Variants in KCNB2 observed in about 807,000 individuals in gnomAD.
KCNB2 encodes delayed rectifier potassium channel protein.
KCNB2 carries 15 observed loss-of-function variants against 61.5 expected under a neutral mutation model. The ratio of observed to expected loss-of-function variants is 0.24; its 90% CI spans 0.16 to 0.38. The LOEUF (loss-of-function observed/expected upper bound fraction) is 0.38, where lower values mean the gene tolerates loss of function less well. Among genes scored for constraint, KCNB2 ranks in the 10% least tolerant of loss-of-function variants. The pLI is 1.00. For missense variants in KCNB2, 828 were observed against 1,125.2 expected (o/e 0.74, Z 3.78); for synonymous variants, 457 against 446.0 (o/e 1.02, Z -0.31).
chr8:72,842,584 G>A (rs912760458), intron 2 of KCNB2, among the ~76,000 whole-genome samples: 6 of 152,212 alleles, frequency 3.9e-5, no homozygotes, highest in African/African-American at 1.4e-4. Context: ...TTGGTTGGTA[G>A]GCTATTAATT....
intron 2 of KCNB2, among the ~76,000 whole-genome samples, chr8:72,904,768 T>C (rs1806146065): frequency 6.6e-6 from 1 of 152,116 alleles, no homozygotes; most frequent in South Asian, 2.1e-4. Context: ...AAACATCTAC[T>C]TGAAAATTTA....
At chr8:72,677,662 C>G (rs1038621468) in intron 2 of KCNB2, among the ~76,000 whole-genome samples, 3 of 152,192 alleles carry the variant, frequency 2.0e-5, no homozygotes, top group Non-Finnish European at 4.4e-5. Flanking sequence ...ATTTGTTTGG[C>G]TACCAGGATG....
intron 2 of KCNB2, among the ~76,000 whole-genome samples, chr8:72,573,631 C>T (rs1300392372): frequency 6.6e-6 from 1 of 151,694 alleles, no homozygotes. Context: ...GCAGTGCTAT[C>T]CTCTACATTG....
intron 2 of KCNB2, among the ~76,000 whole-genome samples, chr8:72,608,715 A>G (rs1458794105): frequency 6.6e-6 from 1 of 152,202 alleles, no homozygotes; most frequent in African/African-American, 2.4e-5. Flanking sequence ...TCTCTCCAAG[A>G]TGAGAGATAA....
intron 2 of KCNB2, among the ~76,000 whole-genome samples, chr8:72,852,346 A>G (rs1810130137): frequency 6.6e-6 from 1 of 152,178 alleles, no homozygotes. Context: ...TCTTTTCACT[A>G]TTGTACCATG....
At chr8:72,739,629 G>A (rs1329355517) in intron 2 of KCNB2, among the ~76,000 whole-genome samples, 1 of 151,990 alleles carries the variant, frequency 6.6e-6, no homozygotes, top group East Asian at 1.9e-4. Context: ...ATATGGTTTG[G>A]TATGGCTGGG....
chr8:72,710,982 A>G (rs1052709838), intron 2 of KCNB2, among the ~76,000 whole-genome samples: 1 of 152,208 alleles, frequency 6.6e-6, no homozygotes, highest in African/African-American at 2.4e-5. Flanking sequence ...GTGACAAACA[A>G]TACCAAAATC....
At chr8:72,663,019 A>G (rs1193799898) in intron 2 of KCNB2, among the ~76,000 whole-genome samples, 2 of 152,118 alleles carry the variant, frequency 1.3e-5, no homozygotes, top group Non-Finnish European at 2.9e-5. Flanking sequence ...CCTCCCTACC[A>G]TGGAGGCTGT....
chr8:72,669,524 T>A (rs985345841), intron 2 of KCNB2, among the ~76,000 whole-genome samples: 12 of 152,232 alleles, frequency 7.9e-5, no homozygotes, highest in Non-Finnish European at 1.8e-4. Flanking sequence ...AATGTCACTG[T>A]AATAAACAGA....
intron 1 of KCNB2, among the ~76,000 whole-genome samples, chr8:72,561,723 A>ATGTG (rs1554576118): frequency 1.3e-4 from 4 of 31,774 alleles, no homozygotes; most frequent in East Asian, 6.2e-4. Context: ...ATATATATAT[A>ATGTG]TATATCTATA....
chr8:72,718,381 A>G (rs1196262775), intron 2 of KCNB2, among the ~76,000 whole-genome samples: 2 of 152,228 alleles, frequency 1.3e-5, no homozygotes, highest in Non-Finnish European at 1.5e-5. Flanking sequence ...TTATTGCAGC[A>G]TTATTCACAA....
At chr8:72,620,483 G>A (rs1213443467) in intron 2 of KCNB2, among the ~76,000 whole-genome samples, 1 of 152,334 alleles carries the variant, frequency 6.6e-6, no homozygotes, top group South Asian at 2.1e-4. Flanking sequence ...AGGAGAGGGA[G>A]ACATTTCAGT....
At chr8:72,788,735 A>G (rs528039905) in intron 2 of KCNB2, among the ~76,000 whole-genome samples, 1 of 152,126 alleles carries the variant, frequency 6.6e-6, no homozygotes, top group Non-Finnish European at 1.5e-5. Flanking sequence ...TAAATCTACC[A>G]TTCACTATAT....
At chr8:72,910,808 G>A (rs759116470) in intron 2 of KCNB2, among the ~76,000 whole-genome samples, 7 of 152,212 alleles carry the variant, frequency 4.6e-5, no homozygotes, top group Non-Finnish European at 7.3e-5. Context: ...CAGGGCAGGA[G>A]CATGAGAACA....
intron 2 of KCNB2, among the ~76,000 whole-genome samples, chr8:72,668,530 C>T (rs992646344): frequency 5.9e-5 from 9 of 152,140 alleles, no homozygotes; most frequent in African/African-American, 2.2e-4. Context: ...TCCTTTACTG[C>T]ACACTCACCA....
chr8:72,541,953 T>C (rs1806194142), intron 1 of KCNB2, among the ~76,000 whole-genome samples: 1 of 152,108 alleles, frequency 6.6e-6, no homozygotes, highest in Admixed American at 6.6e-5. Context: ...TTTTTATGCA[T>C]GTCCCCATTT....
intron 2 of KCNB2, among the ~76,000 whole-genome samples, chr8:72,583,948 C>CAAAAA (rs71566823): frequency 1.3e-4 from 13 of 100,688 alleles, no homozygotes; most frequent in Non-Finnish European, 2.0e-4. Flanking sequence ...AATAGAATAT[C>CAAAAA]AAAAAAAAAA....
chr8:72,802,096 G>C (rs1809142385), intron 2 of KCNB2, among the ~76,000 whole-genome samples: 1 of 152,058 alleles, frequency 6.6e-6, no homozygotes, highest in African/African-American at 2.4e-5. Flanking sequence ...AGTTTTAATT[G>C]GTTTCAGAAC....
chr8:72,538,334 G>A (rs1234177490), intron 1 of KCNB2, among the ~76,000 whole-genome samples: 1 of 150,836 alleles, frequency 6.6e-6, no homozygotes, highest in African/African-American at 2.5e-5. Context: ...ATTCCTGAGA[G>A]GGAGAACGGG....
Sources: allele counts gnomAD v4.1 joint callset (sites outside exome capture counted in the v4.1 genomes callset), GRCh38; gene constraint gnomAD v4.1.1; transcripts MANE v1.5; gene names NCBI Gene and HGNC (gene_info 2026-07-23, HGNC 2026-07-21).